Variants in CNTN1 observed in about 807,000 individuals in gnomAD.
CNTN1 encodes the protein contactin-1.
CNTN1 carries 38 observed loss-of-function variants against 126.4 expected under a neutral mutation model. The ratio of observed to expected loss-of-function variants is 0.30; its 90% CI spans 0.23 to 0.39. The LOEUF (loss-of-function observed/expected upper bound fraction) is 0.39. Among genes scored for constraint, CNTN1 ranks in the 10% least tolerant of loss-of-function variants. The pLI, the probability that CNTN1 is intolerant of heterozygous loss-of-function variation, is 1.00. For missense variants in CNTN1, 1,009 were observed against 1,248.4 expected (o/e 0.81, Z 2.89); for synonymous variants, 413 against 422.6 (o/e 0.98, Z 0.28).
intron 1 of CNTN1, among the ~76,000 whole-genome samples, chr12:40,837,991 C>T (rs1381915381): frequency 1.3e-5 from 2 of 152,132 alleles, no homozygotes; most frequent in Admixed American, 6.5e-5. Flanking sequence ...GTCTCAGTAT[C>T]GCTGCTACTG....
At position 40,933,420 on chromosome 12, in the gene CNTN1, G is replaced by A. The variant is rs762335667; in HGVS notation, c.704-41G>A. 3.2e-6 allele frequency: 4 copies of A among 1,257,548 alleles called. No individual in the cohort carries two copies. The African/African-American group carries it at 4.4e-5, about 14-fold the overall frequency. 77.9% of individuals were successfully genotyped at this position (1,257,548 alleles called of 1,614,324 possible). ...CATGTTTAAGAATAACTAATATTGTGCCTAATAATTAGTGGATATTTGTGT... is the reference window on the plus strand; with the variant it reads ...CATGTTTAAGAATAACTAATATTGTACCTAATAATTAGTGGATATTTGTGT... On this transcript the variant is annotated intron_variant, in intron 7 of 23. Coordinates refer to ENST00000551295, the MANE Select transcript of CNTN1 (RefSeq NM_001843.4).
At chr12:40,967,337 G>A (rs1947344688) in intron 15 of CNTN1, among the ~76,000 whole-genome samples, 1 of 151,868 alleles carries the variant, frequency 6.6e-6, no homozygotes, top group African/African-American at 2.4e-5. Context: ...AAAAATTATT[G>A]GGTGTGGTGG....
At chr12:40,714,197 T>A (rs1056587330) in intron 1 of CNTN1, among the ~76,000 whole-genome samples, 1 of 152,072 alleles carries the variant, frequency 6.6e-6, no homozygotes, top group African/African-American at 2.4e-5. Context: ...GATTTTTGGA[T>A]TTTCAAAAAG....
chr12:40,864,210 G>A (rs1341329266), intron 1 of CNTN1, among the ~76,000 whole-genome samples: 1 of 151,358 alleles, frequency 6.6e-6, no homozygotes, highest in Non-Finnish European at 1.5e-5. Flanking sequence ...TAGAGACAGG[G>A]GGTTTCACCA....
chr12:40,721,769 T>C (rs1337711296), intron 1 of CNTN1, among the ~76,000 whole-genome samples: 3 of 147,290 alleles, frequency 2.0e-5, no homozygotes, highest in African/African-American at 7.5e-5. Flanking sequence ...TTTTCATTGT[T>C]CAATTCCCAT....
chr12:40,845,666 A>C (rs925149718), intron 1 of CNTN1, among the ~76,000 whole-genome samples: 7 of 152,256 alleles, frequency 4.6e-5, no homozygotes, highest in Non-Finnish European at 1.0e-4. Flanking sequence ...TCTGGAGATG[A>C]GAGGAGGGCT....
chr12:41,029,288 G>C, intron 23 of CNTN1, 69 bp downstream of exon 23: 3 of 1,563,332 alleles, frequency 1.9e-6, no homozygotes, highest in Non-Finnish European at 2.6e-6. Context: ...GGATTCCCAA[G>C]GGTAGGGATA....
At chr12:40,822,692 G>T (rs1941490693) in intron 1 of CNTN1, among the ~76,000 whole-genome samples, 1 of 151,976 alleles carries the variant, frequency 6.6e-6, no homozygotes, top group African/African-American at 2.4e-5. Flanking sequence ...TTATTTAAAT[G>T]ATCTCAGCCA....
intron 1 of CNTN1, among the ~76,000 whole-genome samples, chr12:40,695,824 C>G (rs888225954): frequency 3.3e-5 from 5 of 152,170 alleles, no homozygotes; most frequent in Non-Finnish European, 5.9e-5. Flanking sequence ...TTCTAGCTTT[C>G]AAGCAAATCC....
chr12:41,011,281 A>T (rs556986309), intron 17 of CNTN1, among the ~76,000 whole-genome samples: 9 of 152,134 alleles, frequency 5.9e-5, no homozygotes, highest in Non-Finnish European at 1.3e-4. Context: ...GCCTGATATG[A>T]TTGCTACACT....
chr12:40,704,289 A>G (rs189536394), intron 1 of CNTN1, among the ~76,000 whole-genome samples: 16 of 152,304 alleles, frequency 1.1e-4, no homozygotes, highest in Admixed American at 9.8e-4. Context: ...GATTTGAAAC[A>G]GCATATCTAG....
At chr12:40,752,762 A>G (rs1223948778) in intron 1 of CNTN1, among the ~76,000 whole-genome samples, 1 of 152,156 alleles carries the variant, frequency 6.6e-6, no homozygotes, top group African/African-American at 2.4e-5. Context: ...TTTAAACTCT[A>G]GAACACTTTC....
At chr12:40,972,385 T>C in intron 15 of CNTN1, 8 of 984,106 alleles carry the variant, frequency 8.1e-6, no homozygotes, top group Non-Finnish European at 9.7e-6. Flanking sequence ...CAAAGAGATG[T>C]GCTTAAAATT....
chr12:40,880,509 G>A (rs1187384388), intron 1 of CNTN1, among the ~76,000 whole-genome samples: 1 of 151,998 alleles, frequency 6.6e-6, no homozygotes, highest in African/African-American at 2.4e-5. Context: ...TGATATAGAA[G>A]TGAGAATGCT....
chr12:40,948,989 C>T (rs1043449112), intron 14 of CNTN1, among the ~76,000 whole-genome samples: 11 of 152,104 alleles, frequency 7.2e-5, no homozygotes, highest in Admixed American at 7.2e-4. Flanking sequence ...AGTGCATAAG[C>T]AATACCATTC....
chr12:40,733,561 T>C (rs542116869), intron 1 of CNTN1, among the ~76,000 whole-genome samples: 1 of 152,098 alleles, frequency 6.6e-6, no homozygotes, highest in Admixed American at 6.6e-5. Flanking sequence ...GGCAGCAGGC[T>C]TAAAAAGCAA....
chr12:40,940,837 T>C (rs918937390), intron 12 of CNTN1, among the ~76,000 whole-genome samples: 10 of 152,164 alleles, frequency 6.6e-5, no homozygotes, highest in Non-Finnish European at 1.2e-4. Context: ...GAAAAGTCCA[T>C]TTGTTCAATT....
intron 1 of CNTN1, among the ~76,000 whole-genome samples, chr12:40,806,088 A>G (rs965602496): frequency 6.6e-6 from 1 of 152,084 alleles, no homozygotes; most frequent in African/African-American, 2.4e-5. Flanking sequence ...CTGTTGCTTG[A>G]TACTCAGTGC....
intron 1 of CNTN1, among the ~76,000 whole-genome samples, chr12:40,880,157 A>T (rs1347478521): frequency 3.3e-5 from 5 of 152,094 alleles, no homozygotes; most frequent in African/African-American, 1.2e-4. Flanking sequence ...CAGATTAGCA[A>T]TAAGGAAAAG....
Sources: gnomAD v4.1 joint callset for allele counts (sites outside exome capture counted in the v4.1 genomes callset) on GRCh38, gnomAD v4.1.1 for gene constraint, MANE v1.5 for transcripts, NCBI Gene and HGNC (gene_info 2026-07-23, HGNC 2026-07-21) for gene names.